Variants in ZFX observed in about 807,000 individuals in gnomAD.
ZFX encodes the protein zinc finger protein X-linked, also known as zinc finger X-chromosomal protein.
For synonymous variants in ZFX, 196 were observed against 226.8 expected, an observed-to-expected ratio of 0.86 and a Z score of 1.22; for missense variants, 362 against 628.3, an observed-to-expected ratio of 0.58 and a Z score of 4.53.
intron 3 of ZFX, among the ~76,000 whole-genome samples, chrX:24,153,262 C>T (rs1932411761): frequency 8.9e-6 from 1 of 111,936 alleles, no homozygotes; most frequent in Admixed American, 9.5e-5. Context: ...TCTTTCACTT[C>T]ACTGAGAAGG....
chrX:24,188,023 T>C (rs1936263636), intron 5 of ZFX, among the ~76,000 whole-genome samples: 1 of 109,799 alleles, frequency 9.1e-6, no homozygotes, highest in Admixed American at 9.8e-5. Context: ...AATACAAAAA[T>C]TAGCCGGGCA....
In ZFX at chrX:24,163,220, G is replaced by GGTGTGT. The variant is rs57212971; in HGVS notation, c.-28-9480_-28-9475dup. Among the ~76,000 whole-genome samples the GGTGTGT allele has an allele frequency of 1.0e-4, 9 of 86,427 alleles. No individual in the cohort carries two copies. In the East Asian group the frequency reaches 1.1e-3, roughly 11 times the overall value. 75.1% of individuals were successfully genotyped at this position (86,427 alleles called of 115,157 possible). On this transcript the variant is annotated intron_variant, in intron 3 of 9. Transcript: ENST00000304543. Reference sequence around the variant, plus strand: ...GTACCCATACTGTGCCAAGGTCTGTGGTGTGTGTGTGTGTGTGTGTACATG... The same window carrying GGTGTGT: ...GTACCCATACTGTGCCAAGGTCTGTGGTGTGTGTGTGTGTGTGTGTGTGTGTACATG...
In ZFX at chrX:24,207,784, G is replaced by T. The variant is rs1937705038; in HGVS notation, c.869G>T (p.Ser290Ile). ...GTTGAACTGCTTGATCAGAACAGCA[G>T]TATTCGTGTTCCCAGGGAAAAGATG... ...HGVELLDQNS[S>I]IRVPREKMVY... The change falls in exon 7 of 10, where the codon AGT becomes ATT. Residue 290 changes from serine (S) to isoleucine (I), a missense_variant. Physicochemically the swap from Ser to Ile is moderately radical, Grantham distance 142. Transcript: ENST00000304543. 1 of 1,211,373 alleles carries T rather than the reference G, an allele frequency of 8.3e-7. No individual in the cohort carries two copies. Among genetic ancestry groups the T allele is most frequent in the East Asian group, 3.0e-5 (1 of 33,851 alleles).
chrX:24,150,203 C>T (rs1441821586), intron 1 of ZFX: 2 of 70,116 alleles, frequency 2.9e-5, no homozygotes, highest in South Asian at 6.4e-4. Flanking sequence ...GGACGGGGGA[C>T]AAGATGGCGG....
chrX:24,208,733 G>C (rs950990687), intron 8 of ZFX, among the ~76,000 whole-genome samples, 167 bp from the exon 9 acceptor site: 4 of 111,422 alleles, frequency 3.6e-5, no homozygotes, highest in Non-Finnish European at 7.5e-5. Context: ...CGTTTCCTAC[G>C]GTCTCGCGAT....
intron 3 of ZFX, among the ~76,000 whole-genome samples, chrX:24,159,498 G>C (rs1374539676): frequency 9.0e-6 from 1 of 110,698 alleles, no homozygotes; most frequent in African/African-American, 3.3e-5. Flanking sequence ...TTTGGAGACA[G>C]AATCTCTCTC....
At chrX:24,166,249 C>T (rs1481010329) in intron 3 of ZFX, among the ~76,000 whole-genome samples, 1 of 112,203 alleles carries the variant, frequency 8.9e-6, no homozygotes, top group Non-Finnish European at 1.9e-5. Context: ...AGTTTGGACT[C>T]TTAGATTTTA....
chrX:24,215,844 T>TTGTGTGTGTG lies in ZFX; in HGVS notation c.*4480_*4489dup, dbSNP rs3838207. On this transcript the variant is annotated 3_prime_UTR_variant, in exon 10 of 10. Coordinates refer to ENST00000304543, the MANE Select transcript of ZFX (RefSeq NM_003410.4). The stretch of plus-strand genomic sequence containing the variant: ...TTTAAAAGAGAAGGGTTGAAAAAGA[T>TTGTGTGTGTG]TGTGTGTGTGTGTGTGTGTGTTTAA... The TTGTGTGTGTG allele has an allele frequency of 4.2e-3, 444 of 105,286 alleles. 3 individuals are homozygous for TTGTGTGTGTG. Among genetic ancestry groups the TTGTGTGTGTG allele is most frequent in the African/African-American group, 0.014 (397 of 28,819 alleles). The allele number at this position is 105,286 out of a possible 1,213,427, so 8.7% of individuals were successfully genotyped here.
intron 5 of ZFX, among the ~76,000 whole-genome samples, chrX:24,185,973 A>T (rs1936081434): frequency 9.2e-6 from 1 of 109,140 alleles, no homozygotes. Context: ...CCCCTAAAAC[A>T]CCTATATTGA....
rs774552270 is a variant in ZFX at position 24,215,948 on chromosome X, A to G, written c.*4572A>G. 2.7e-5 allele frequency: 3 copies of G among 111,421 alleles called. No homozygotes were observed. In the South Asian group the frequency reaches 1.1e-3, roughly 42 times the overall value. 9.2% of individuals were successfully genotyped at this position (111,421 alleles called of 1,213,427 possible). On this transcript the variant is annotated 3_prime_UTR_variant, in exon 10 of 10. Transcript: ENST00000304543. Reference sequence around the variant, plus strand: ...GTTTAGCTAAGGTCAAATTAAGTTTACCCTATGGATTTTGTTTCATCTTTT... The same window carrying G: ...GTTTAGCTAAGGTCAAATTAAGTTTGCCCTATGGATTTTGTTTCATCTTTT...
intron 4 of ZFX, among the ~76,000 whole-genome samples, chrX:24,174,916 G>T (rs1343635286): frequency 9.1e-6 from 1 of 109,704 alleles, no homozygotes; most frequent in Non-Finnish European, 1.9e-5. Context: ...TCGCTATGTT[G>T]CCCAGGCTGG....
intron 5 of ZFX, among the ~76,000 whole-genome samples, chrX:24,181,375 T>C (rs1391467820): frequency 2.7e-5 from 3 of 111,442 alleles, no homozygotes; most frequent in African/African-American, 9.8e-5. Context: ...GAGAGAAAGT[T>C]TGTAGTGTGA....
At chrX:24,161,170 A>G (rs1427009119) in intron 3 of ZFX, among the ~76,000 whole-genome samples, 1 of 112,167 alleles carries the variant, frequency 8.9e-6, no homozygotes, top group Non-Finnish European at 1.9e-5. Context: ...AATAAATCCA[A>G]CAAAGCATAC....
In ZFX at chrX:24,179,195, C is replaced by T. The variant is rs759936985; in HGVS notation, c.71C>T (p.Thr24Ile). ...TTTTTTTTTTAAGGAGCTGATGGTA[C>T]ACACATGGATGGTGATCAAATTGTT... is the stretch of plus-strand genomic sequence containing the variant. Reference protein sequence around the residue: ...SFFDATGADGTHMDGDQIVVE... With the variant: ...SFFDATGADGIHMDGDQIVVE... Residue 24 changes from threonine (T) to isoleucine (I), a missense_variant, in exon 5 of 10, where the codon ACA becomes ATA. Coordinates refer to ENST00000304543, the MANE Select transcript of ZFX (RefSeq NM_003410.4). 4 of 1,208,414 alleles carry T rather than the reference C, an allele frequency of 3.3e-6. No individual in the cohort carries two copies. Among genetic ancestry groups the T allele is most frequent in the African/African-American group, 1.7e-5 (1 of 57,664 alleles).
intron 5 of ZFX, among the ~76,000 whole-genome samples, chrX:24,194,282 C>A (rs374522875): frequency 9.0e-6 from 1 of 111,634 alleles, no homozygotes; most frequent in Non-Finnish European, 1.9e-5. Flanking sequence ...CTTCTCCCCC[C>A]CACCAAAGCA....
At chrX:24,191,235 G>A (rs749450835) in intron 5 of ZFX, among the ~76,000 whole-genome samples, 1 of 111,750 alleles carries the variant, frequency 8.9e-6, no homozygotes, top group African/African-American at 3.2e-5. Flanking sequence ...TTAGGACAGG[G>A]ACCTGACTGG....
chrX:24,173,447 C>A (rs1934821642), intron 4 of ZFX, among the ~76,000 whole-genome samples: 1 of 111,498 alleles, frequency 9.0e-6, no homozygotes, highest in Admixed American at 9.6e-5. Context: ...AAGATGGAGT[C>A]TTCACTCCCC....
At chrX:24,153,563 A>G (rs1051919797) in intron 3 of ZFX, among the ~76,000 whole-genome samples, 1 of 111,446 alleles carries the variant, frequency 9.0e-6, no homozygotes, top group African/African-American at 3.3e-5. Flanking sequence ...CACCCCACTT[A>G]TTCTTAAATC....
chrX:24,150,231 CA>C (rs1351529780), intron 1 of ZFX: 3 of 73,154 alleles, frequency 4.1e-5, no homozygotes, highest in Non-Finnish European at 7.7e-5. Flanking sequence ...GCGCCTGCTG[CA>C]GGGGACGATA....
Sources: gnomAD v4.1 joint callset for allele counts (sites outside exome capture counted in the v4.1 genomes callset) on GRCh38, gnomAD v4.1.1 for gene constraint, MANE v1.5 for transcripts, NCBI Gene and HGNC (gene_info 2026-07-23, HGNC 2026-07-21) for gene names.